SNAP29: variants seen among roughly 807,000 people sequenced by gnomAD.
SNAP29 encodes the protein synaptosomal-associated protein 29.
In SNAP29, 13 loss-of-function variants were observed where a neutral mutation model predicts 27.9. The ratio of observed to expected loss-of-function variants is 0.47; its 90% CI spans 0.30 to 0.74. The LOEUF (loss-of-function observed/expected upper bound fraction) is 0.74. Among genes scored for constraint, SNAP29 ranks in the 30% least tolerant of loss-of-function variants. The pLI is 0.06. For synonymous variants in SNAP29, 119 were observed against 127.1 expected (o/e 0.94, Z 0.43); for missense variants, 368 against 336.5 (o/e 1.09, Z -0.73).
At position 20,859,029 on chromosome 22, in the gene SNAP29, C is replaced by G. The variant is rs571443845; in HGVS notation, c.-82C>G. The stretch of plus-strand genomic sequence containing the variant: ...GGAGTTCGCGCGACGACCGCGGGGT[C>G]GGCGGGCGGGGCGAGGCCCTGGACG... On this transcript the variant is annotated 5_prime_UTR_variant, in exon 1 of 5. Transcript: ENST00000215730. The G allele has an allele frequency of 2.4e-5, 33 of 1,391,352 alleles. No homozygotes were observed. The highest frequency in any genetic ancestry group is 4.4e-5 in the African/African-American group (3 of 68,648). 86.2% of individuals were successfully genotyped at this position (1,391,352 alleles called of 1,614,324 possible).
chr22:20,866,631 G>A (rs1297440740), intron 1 of SNAP29, among the ~76,000 whole-genome samples: 1 of 152,140 alleles, frequency 6.6e-6, no homozygotes, highest in Non-Finnish European at 1.5e-5. Context: ...GAAGGCCTTA[G>A]TGACATCCTG....
At chr22:20,859,886 C>T (rs991251859) in intron 1 of SNAP29, among the ~76,000 whole-genome samples, 1 of 152,138 alleles carries the variant, frequency 6.6e-6, no homozygotes, top group Non-Finnish European at 1.5e-5. Flanking sequence ...ATTGAAGTCC[C>T]TTCAGCCCAG....
rs1928094429 is a variant in SNAP29, at chr22:20,859,015, G to T, written c.-96G>T. 4.4e-6 allele frequency: 6 copies of T among 1,370,730 alleles called. No individual in the cohort carries two copies. The highest frequency in any genetic ancestry group is 4.1e-5 in the South Asian group (3 of 73,652). 84.9% of individuals were successfully genotyped at this position (1,370,730 alleles called of 1,614,324 possible). A position where few individuals can be genotyped will look rare whatever the true frequency, so the allele number is the denominator to read the frequency against. On this transcript the variant is annotated 5_prime_UTR_variant, in exon 1 of 5. Transcript: ENST00000215730. The stretch of plus-strand genomic sequence containing the variant: ...CGCGACGCGCGGAAGGAGTTCGCGC[G>T]ACGACCGCGGGGTCGGCGGGCGGGG...
intron 1 of SNAP29, among the ~76,000 whole-genome samples, chr22:20,863,394 G>T (rs1928379059): frequency 2.0e-5 from 3 of 152,210 alleles, no homozygotes; most frequent in Non-Finnish European, 4.4e-5. Context: ...AATTATATTA[G>T]GTTGGGAAGA....
intron 2 of SNAP29, among the ~76,000 whole-genome samples, chr22:20,871,873 C>T (rs1396612898): frequency 1.3e-5 from 2 of 151,510 alleles, no homozygotes; most frequent in Non-Finnish European, 2.9e-5. Flanking sequence ...CAGAGCAAGA[C>T]TCCGTCTCAA....
intron 2 of SNAP29, among the ~76,000 whole-genome samples, chr22:20,872,102 A>G (rs763957995): frequency 6.6e-6 from 1 of 152,138 alleles, no homozygotes; most frequent in Non-Finnish European, 1.5e-5. Context: ...CAGTATTTTC[A>G]TAGTTGTAAC....
intron 1 of SNAP29, chr22:20,859,683 GGAGA>G (rs1928191107): frequency 2.7e-6 from 1 of 374,020 alleles, no homozygotes; most frequent in South Asian, 3.0e-5. Context: ...TTTGGGAAAT[GGAGA>G]GTCCGTTTCT....
chr22:20,859,058 G>T lies in SNAP29; in HGVS notation c.-53G>T, dbSNP rs1928104505. On this transcript the variant is annotated 5_prime_UTR_variant, in exon 1 of 5. Coordinates refer to ENST00000215730, the MANE Select transcript of SNAP29 (RefSeq NM_004782.4). The stretch of plus-strand genomic sequence containing the variant: ...GGGCGGGGCGAGGCCCTGGACGGCG[G>T]CGGCAGTGGGGCTCCTCCTTCTGTT... 6.8e-6 allele frequency: 10 copies of T among 1,471,764 alleles called. No homozygotes were observed. In the Admixed American group the frequency reaches 1.5e-4, roughly 22 times the overall value. 91.2% of individuals were successfully genotyped at this position (1,471,764 alleles called of 1,614,324 possible).
At chr22:20,871,474 C>A (rs1928589580) in intron 2 of SNAP29, among the ~76,000 whole-genome samples, 1 of 124,532 alleles carries the variant, frequency 8.0e-6, no homozygotes, top group Non-Finnish European at 1.8e-5. Context: ...ACAGAGTCTC[C>A]CTGTCTCTAA....
At chr22:20,873,348 TA>T (rs1928642926) in intron 2 of SNAP29, among the ~76,000 whole-genome samples, 2 of 151,580 alleles carry the variant, frequency 1.3e-5, no homozygotes, top group African/African-American at 4.8e-5. Context: ...TAAGGTACAG[TA>T]AAATATGTGC....
At chr22:20,881,938 T>C (rs1928901136) in intron 3 of SNAP29, among the ~76,000 whole-genome samples, 1 of 152,098 alleles carries the variant, frequency 6.6e-6, no homozygotes, top group Non-Finnish European at 1.5e-5. Flanking sequence ...GGGGAGATTA[T>C]CCTGGGTTGT....
chr22:20,886,496 A>G (rs1175305846), intron 4 of SNAP29, among the ~76,000 whole-genome samples: 1 of 150,932 alleles, frequency 6.6e-6, no homozygotes, highest in Non-Finnish European at 1.5e-5. Context: ...TTTAGTAGAG[A>G]CGGGGTTTCA....
At position 20,859,503 on chromosome 22, in the gene SNAP29, A is replaced by G. The variant is rs369706586; in HGVS notation, c.237+156A>G. 4.0e-4 allele frequency: 264 copies of G among 666,268 alleles called. 5 individuals carry two copies. In the South Asian group the frequency reaches 4.2e-3, roughly 11 times the overall value. The allele number at this position is 666,268 out of a possible 1,614,324, so 41.3% of individuals were successfully genotyped here. A position where few individuals can be genotyped will look rare whatever the true frequency, so the allele number is the denominator to read the frequency against. On this transcript the variant is annotated intron_variant, in intron 1 of 4. Coordinates refer to ENST00000215730, the MANE Select transcript of SNAP29 (RefSeq NM_004782.4). The stretch of plus-strand genomic sequence containing the variant: ...CGATGGTGGTAACAATCTGTTAACT[A>G]TGTAAAGGTATGTGCATCTGGAGTA...
chr22:20,886,471 G>T (rs922941032), intron 4 of SNAP29, among the ~76,000 whole-genome samples: 2 of 149,306 alleles, frequency 1.3e-5, no homozygotes, highest in African/African-American at 5.0e-5. Flanking sequence ...ACCATGCCCA[G>T]CTAATTTTTG....
Position 20,887,895 on chromosome 22 carries a change from T to C in SNAP29, c.*59T>C. 2.7e-6 allele frequency: 4 copies of C among 1,497,540 alleles called. No homozygotes were observed. The highest frequency in any genetic ancestry group is 3.7e-6 in the Non-Finnish European group (4 of 1,076,860). 92.8% of individuals were successfully genotyped at this position (1,497,540 alleles called of 1,614,324 possible). ...AGATTTGAAAGATCTTTTTTTGAAC[T>C]TCCAAGAAATTTCATTTACTATTTT... On this transcript the variant is annotated 3_prime_UTR_variant, in exon 5 of 5. Coordinates refer to ENST00000215730, the MANE Select transcript of SNAP29 (RefSeq NM_004782.4).
intron 2 of SNAP29, among the ~76,000 whole-genome samples, chr22:20,875,755 G>A (rs1300508642): frequency 6.6e-6 from 1 of 152,034 alleles, no homozygotes; most frequent in Non-Finnish European, 1.5e-5. Context: ...AGGAGTTGAA[G>A]ATCAGCCTGG....
At chr22:20,874,862 A>G (rs900248060) in intron 2 of SNAP29, among the ~76,000 whole-genome samples, 6 of 152,024 alleles carry the variant, frequency 3.9e-5, no homozygotes, top group African/African-American at 1.4e-4. Flanking sequence ...TTTAATTGCC[A>G]TAGGAGAAGG....
At chr22:20,886,975 G>A (rs1688935149) in intron 4 of SNAP29, among the ~76,000 whole-genome samples, 2 of 151,994 alleles carry the variant, frequency 1.3e-5, no homozygotes, top group African/African-American at 2.4e-5. Context: ...TGTAATCCTA[G>A]CACTTTGGGA....
rs1002470565 is a variant in SNAP29, at chr22:20,859,033, G to A, written c.-78G>A. ...TTCGCGCGACGACCGCGGGGTCGGC[G>A]GGCGGGGCGAGGCCCTGGACGGCGG... On this transcript the variant is annotated 5_prime_UTR_variant, in exon 1 of 5. Coordinates refer to ENST00000215730, the MANE Select transcript of SNAP29 (RefSeq NM_004782.4). 9.0e-5 allele frequency: 125 copies of A among 1,396,610 alleles called. No individual in the cohort carries two copies. The highest frequency in any genetic ancestry group is 1.2e-4 in the Non-Finnish European group (124 of 1,020,034). The allele number at this position is 1,396,610 out of a possible 1,614,324, so 86.5% of individuals were successfully genotyped here. A position where few individuals can be genotyped will look rare whatever the true frequency, so the allele number is the denominator to read the frequency against.
Sources: allele counts gnomAD v4.1 joint callset (sites outside exome capture counted in the v4.1 genomes callset), GRCh38; gene constraint gnomAD v4.1.1; transcripts MANE v1.5; gene names NCBI Gene and HGNC (gene_info 2026-07-23, HGNC 2026-07-21).